The following TLN2 variants were observed in gnomAD, a reference collection of about 807,000 sequenced individuals.
TLN2 encodes talin 2.
Under a neutral mutation model 294.7 loss-of-function variants are expected in TLN2, and 118 were observed. The observed-to-expected ratio is 0.40, with a 90% CI of 0.34 to 0.47. The LOEUF (loss-of-function observed/expected upper bound fraction) is 0.47. Ranked by LOEUF, TLN2 falls within the 20% of genes least tolerant of loss-of-function variation. TLN2 has a pLI of 0.84. For synonymous variants in TLN2, 1,431 were observed against 1,304.5 expected (o/e 1.10, Z -2.09); for missense variants, 3,083 against 3,282.2 (o/e 0.94, Z 1.48).
At chr15:62,679,938 C>T (rs762706243) in intron 11 of TLN2, among the ~76,000 whole-genome samples, 1 of 152,198 alleles carries the variant, frequency 6.6e-6, no homozygotes, top group Non-Finnish European at 1.5e-5. Flanking sequence ...AAGTGCTATT[C>T]TTCCTCCATC....
intron 2 of TLN2, among the ~76,000 whole-genome samples, chr15:62,597,734 A>G (rs955041777): frequency 6.6e-6 from 1 of 152,160 alleles, no homozygotes; most frequent in African/African-American, 2.4e-5. Context: ...ATATTTACAT[A>G]TACATAATGA....
intron 1 of TLN2, among the ~76,000 whole-genome samples, chr15:62,487,760 G>A (rs149979196): frequency 7.9e-5 from 12 of 152,046 alleles, no homozygotes; most frequent in Admixed American, 3.9e-4. Flanking sequence ...AAAATTAGCC[G>A]GGCATGGTGG....
chr15:62,474,550 G>T (rs2037679319), intron 1 of TLN2, among the ~76,000 whole-genome samples: 1 of 152,196 alleles, frequency 6.6e-6, no homozygotes, highest in Non-Finnish European at 1.5e-5. Context: ...GCTGAGATGG[G>T]AGGATCACTT....
At chr15:62,775,574 A>G (rs756141933) in intron 42 of TLN2, among the ~76,000 whole-genome samples, 1 of 152,154 alleles carries the variant, frequency 6.6e-6, no homozygotes, top group Non-Finnish European at 1.5e-5. Context: ...CTTGCTTCCT[A>G]TGGCTTTTCA....
chr15:62,736,381 G>A (rs779758659), intron 28 of TLN2, among the ~76,000 whole-genome samples: 2 of 152,044 alleles, frequency 1.3e-5, no homozygotes, highest in Non-Finnish European at 2.9e-5. Flanking sequence ...ATTACTTCTG[G>A]TATGAAGGGA....
intron 55 of TLN2, chr15:62,835,338 G>T (rs2069395012): frequency 4.6e-6 from 1 of 217,474 alleles, no homozygotes; most frequent in Non-Finnish European, 9.2e-6. Flanking sequence ...GTAATCGGGA[G>T]AGATTTAAAT....
In TLN2 at chr15:62,842,026, GT is replaced by G. The variant is rs1183803510; in HGVS notation, c.*1419del. ...TGTCTTGGACTCCATCCACACTATA[GT>G]TTCAAAGTTCCACTGACGGGGGAAA... On this transcript the variant is annotated 3_prime_UTR_variant, in exon 59 of 59. Transcript: ENST00000636159. The G allele has an allele frequency of 2.0e-5, 3 of 151,898 alleles. No individual in the cohort carries two copies. The highest frequency in any genetic ancestry group is 4.4e-5 in the Non-Finnish European group (3 of 67,990). The allele number at this position is 151,898 out of a possible 1,614,324, so 9.4% of individuals were successfully genotyped here.
chr15:62,715,541 C>G (rs1158654541), intron 22 of TLN2, among the ~76,000 whole-genome samples: 1 of 152,140 alleles, frequency 6.6e-6, no homozygotes, highest in African/African-American at 2.4e-5. Context: ...ATTAGCCTTC[C>G]CCTGCTTCAG....
At chr15:62,552,087 G>T (rs2042349180) in intron 1 of TLN2, among the ~76,000 whole-genome samples, 1 of 152,128 alleles carries the variant, frequency 6.6e-6, no homozygotes, top group South Asian at 2.1e-4. Context: ...GGGCTTTGCT[G>T]GATGTTTTGC....
chr15:62,572,683 T>G (rs1047132728), intron 1 of TLN2, among the ~76,000 whole-genome samples: 2 of 152,228 alleles, frequency 1.3e-5, no homozygotes, highest in African/African-American at 2.4e-5. Flanking sequence ...GGATCGATGC[T>G]TCCTGACACT....
At chr15:62,813,586 C>A (rs2066860821) in intron 52 of TLN2, among the ~76,000 whole-genome samples, 1 of 152,010 alleles carries the variant, frequency 6.6e-6, no homozygotes, top group African/African-American at 2.4e-5. Context: ...CAATGAAAAG[C>A]AAGATTAAAA....
intron 19 of TLN2, 86 bp from the exon 20 acceptor site, chr15:62,707,000 A>C: frequency 7.0e-7 from 1 of 1,433,120 alleles, no homozygotes; most frequent in Non-Finnish European, 9.3e-7. Flanking sequence ...AAAAAGATCA[A>C]ATGGAATTTT....
chr15:62,629,132 G>A (rs1157435252), intron 3 of TLN2, among the ~76,000 whole-genome samples: 2 of 152,228 alleles, frequency 1.3e-5, no homozygotes, highest in African/African-American at 4.8e-5. Context: ...ACTTGAGGCT[G>A]CAGTGAGCCA....
chr15:62,650,764 A>G (rs1040759339), intron 5 of TLN2, among the ~76,000 whole-genome samples: 6 of 152,192 alleles, frequency 3.9e-5, no homozygotes, highest in Non-Finnish European at 5.9e-5. Context: ...CATCAGATTG[A>G]TGGGTATTCC....
chr15:62,581,434 G>T (rs983591630), intron 1 of TLN2, among the ~76,000 whole-genome samples: 7 of 152,176 alleles, frequency 4.6e-5, no homozygotes, highest in African/African-American at 1.7e-4. Context: ...AACTCAAGTA[G>T]TTGATGAATA....
chr15:62,428,251 G>C (rs1474745959), intron 1 of TLN2, among the ~76,000 whole-genome samples: 1 of 152,234 alleles, frequency 6.6e-6, no homozygotes, highest in Non-Finnish European at 1.5e-5. Flanking sequence ...GAGGGATGGA[G>C]TCGTGTTTTG....
At chr15:62,667,229 G>A (rs2054810568) in intron 9 of TLN2, among the ~76,000 whole-genome samples, 1 of 152,200 alleles carries the variant, frequency 6.6e-6, no homozygotes, top group African/African-American at 2.4e-5. Context: ...GCCTCCCAAA[G>A]TGCTGGGATT....
intron 50 of TLN2, among the ~76,000 whole-genome samples, chr15:62,804,418 G>A (rs2066138179): frequency 6.6e-6 from 1 of 152,082 alleles, no homozygotes; most frequent in Non-Finnish European, 1.5e-5. Flanking sequence ...GGCAACATAG[G>A]GAAACCACAT....
At chr15:62,464,721 T>A (rs562053481) in intron 1 of TLN2, among the ~76,000 whole-genome samples, 1 of 152,294 alleles carries the variant, frequency 6.6e-6, no homozygotes, top group Admixed American at 6.5e-5. Context: ...TCACTTTTAT[T>A]CTTGTTCATG....
Sources: gnomAD v4.1 joint callset for allele counts (sites outside exome capture counted in the v4.1 genomes callset) on GRCh38, gnomAD v4.1.1 for gene constraint, MANE v1.5 for transcripts, NCBI Gene and HGNC (gene_info 2026-07-23, HGNC 2026-07-21) for gene names.